The following TTBK2 variants were observed in gnomAD, a reference collection of about 807,000 sequenced individuals.
The protein encoded by TTBK2 is tau tubulin kinase 2.
TTBK2 carries 28 observed loss-of-function variants against 110.8 expected under a neutral mutation model. The ratio of observed to expected loss-of-function variants is 0.25; its 90% CI spans 0.19 to 0.35. TTBK2 has a LOEUF of 0.35. Among genes scored for constraint, TTBK2 ranks in the 10% least tolerant of loss-of-function variants. The pLI, the probability that TTBK2 is intolerant of heterozygous loss-of-function variation, is 1.00. For missense variants in TTBK2, 1,369 were observed against 1,500.3 expected, an observed-to-expected ratio of 0.91 and a Z score of 1.45; for synonymous variants, 532 against 527.3, an observed-to-expected ratio of 1.01 and a Z score of -0.12.
chr15:42,752,887 C>A lies in TTBK2; in HGVS notation c.2359G>T (p.Asp787Tyr), dbSNP rs760713520. 5 of 1,614,198 alleles carry A rather than the reference C, an allele frequency of 3.1e-6. No individual in the cohort carries two copies. In the South Asian group the frequency reaches 5.5e-5, roughly 18 times the overall value. ...TEEKSILLES[D>Y]NEDEKLSRGQ... ...CTACTTAACTTCTCATCTTCATTAT[C>A]TGACTCTAAAAGGATGCTTTTCTCT... The change falls in exon 14 of 15, where the codon GAT becomes TAT. Residue 787 changes from aspartate (D) to tyrosine (Y), a missense_variant. Asp to Tyr is a radical substitution (Grantham distance 160). Transcript: ENST00000267890.
chr15:42,869,455 T>C (rs1232047655), intron 3 of TTBK2, among the ~76,000 whole-genome samples: 1 of 142,822 alleles, frequency 7.0e-6, no homozygotes, highest in Non-Finnish European at 1.5e-5. Flanking sequence ...TAAGAGATCA[T>C]GAAAACTGAG....
intron 13 of TTBK2, among the ~76,000 whole-genome samples, chr15:42,756,128 C>T (rs1425896984): frequency 6.6e-6 from 1 of 151,898 alleles, no homozygotes; most frequent in Non-Finnish European, 1.5e-5. Flanking sequence ...ACCTGGGAGG[C>T]GGAGGATGCA....
chr15:42,810,725 A>G lies in TTBK2; in HGVS notation c.711T>C (p.Ser237=). Residue 237 remains serine, a synonymous_variant, in exon 9 of 15, where the codon TCT becomes TCC. Coordinates refer to ENST00000267890, the MANE Select transcript of TTBK2 (RefSeq NM_173500.4). Reference sequence around the variant, plus strand: ...GCCTGTGGTCATATCTCTCCTTAATAGAGCCTACTTGCTCCTGGGAAGTAA... The same window carrying G: ...GCCTGTGGTCATATCTCTCCTTAATGGAGCCTACTTGCTCCTGGGAAGTAA... ...RKIKDKEQVG[S]IKERYDHRLM... 6.2e-7 allele frequency: 1 copy of G among 1,613,890 alleles called. No homozygotes were observed. The highest frequency in any genetic ancestry group is 8.5e-7 in the Non-Finnish European group (1 of 1,179,906).
Position 42,777,141 on chromosome 15 carries a change from T to C in TTBK2, c.1299A>G (p.Pro433=). ...TTCGCACCAGTGGAATATCTCTGTC[T>C]GGCTGAGTAATCTCTGAGCGGACAC... The part of the protein sequence containing the change: ...PIRVRSEITQ[P]DRDIPLVRKL... Residue 433 remains proline (P), a synonymous_variant, in exon 12 of 15, where the codon CCA becomes CCG. Transcript: ENST00000267890. 6.2e-7 allele frequency: 1 copy of C among 1,614,228 alleles called. No homozygotes were observed. The highest frequency in any genetic ancestry group is 8.5e-7 in the Non-Finnish European group (1 of 1,180,046).
At position 42,775,657 on chromosome 15, in the gene TTBK2, C is replaced by T. The variant is rs1889885517; in HGVS notation, c.1476G>A (p.Lys492=). 6.2e-7 allele frequency: 1 copy of T among 1,613,288 alleles called. No homozygotes were observed. The highest frequency in any genetic ancestry group is 8.5e-7 in the Non-Finnish European group (1 of 1,179,570). Residue 492 remains lysine (K), a synonymous_variant, in exon 13 of 15, where the codon AAG becomes AAA. Transcript: ENST00000267890. ...KESILPALLH[K]PCVPAVSRTD... ...TACGGGACACAGCAGGAACGCAAGGCTTATGCAGCAGAGCAGGGAGAATAG... is the reference window on the plus strand; with the variant it reads ...TACGGGACACAGCAGGAACGCAAGGTTTATGCAGCAGAGCAGGGAGAATAG...
In TTBK2 at chr15:42,828,024, G is replaced by A. The variant is rs754428166; in HGVS notation, c.441C>T (p.Phe147=). ...FLHRDIKPSN[F]AMGRFPSTCR... is the part of the protein sequence containing the mutation. ...ATGTACTAGGAAAGCGACCCATAGC[G>A]AAGTTCGACTAGAAAAATAAAGAAG... is the stretch of plus-strand genomic sequence containing the variant. Residue 147 remains phenylalanine, a synonymous_variant, in exon 6 of 15, where the codon TTC becomes TTT. Coordinates refer to ENST00000267890, the MANE Select transcript of TTBK2 (RefSeq NM_173500.4). 4.7e-5 allele frequency: 76 copies of A among 1,612,844 alleles called. No homozygotes were observed. The highest frequency in any genetic ancestry group is 6.1e-5 in the Non-Finnish European group (72 of 1,179,396).
intron 13 of TTBK2, among the ~76,000 whole-genome samples, chr15:42,768,928 A>G (rs1946064730): frequency 6.6e-6 from 1 of 152,218 alleles, no homozygotes. Flanking sequence ...GACCAATGGA[A>G]CAGAGCAGAG....
chr15:42,751,245 AAC>A (rs1489425678), intron 14 of TTBK2, among the ~76,000 whole-genome samples: 2 of 152,236 alleles, frequency 1.3e-5, no homozygotes, highest in Admixed American at 1.3e-4. Flanking sequence ...TATGTGTTTG[AAC>A]ACACAATGTA....
Position 42,859,241 on chromosome 15 carries a change from G to T in TTBK2, c.217+13370C>A, listed in dbSNP as rs561346605. On this transcript the variant is annotated intron_variant, in intron 3 of 14. Transcript: ENST00000267890. The stretch of plus-strand genomic sequence containing the variant: ...CACCTCTCAGCCTCCTGAGTAGCTG[G>T]GACTACAGGTGCACACCACCATGTC... Among the ~76,000 whole-genome samples, 6 of 152,126 alleles carry T rather than the reference G, an allele frequency of 3.9e-5. No homozygotes were observed. In the East Asian group the frequency reaches 1.2e-3, roughly 29 times the overall value.
intron 13 of TTBK2, among the ~76,000 whole-genome samples, chr15:42,769,345 A>G (rs778206908): frequency 1.3e-5 from 2 of 152,230 alleles, no homozygotes; most frequent in African/African-American, 2.4e-5. Context: ...ATGGGAGAAC[A>G]TTTTTGCAAT....
At chr15:42,830,227 GC>G in intron 4 of TTBK2, 149 bp from the exon 5 acceptor site, 2 of 934,202 alleles carry the variant, frequency 2.1e-6, no homozygotes, top group Non-Finnish European at 3.2e-6. Flanking sequence ...CACTCTTGTT[GC>G]CCAGGCTGGA....
intron 6 of TTBK2, among the ~76,000 whole-genome samples, chr15:42,823,809 TC>T (rs1369136119): frequency 6.6e-6 from 1 of 151,976 alleles, no homozygotes; most frequent in Non-Finnish European, 1.5e-5. Flanking sequence ...TTCTTCTTCT[TC>T]CAATGTGGCC....
chr15:42,780,315 G>T (rs1177175880), intron 11 of TTBK2, among the ~76,000 whole-genome samples: 3 of 148,918 alleles, frequency 2.0e-5, no homozygotes, highest in Non-Finnish European at 4.5e-5. Context: ...TTATGGGTGT[G>T]AGCCACTGTG....
chr15:42,909,326 G>T (rs2030610971), intron 1 of TTBK2, among the ~76,000 whole-genome samples: 1 of 152,100 alleles, frequency 6.6e-6, no homozygotes, highest in African/African-American at 2.4e-5. Flanking sequence ...TTGGTTTATG[G>T]CCTCATCCCC....
rs55859623 is a variant in TTBK2 at position 42,893,667 on chromosome 15, G to GA, written c.-67-14984dup. Reference sequence around the variant, plus strand: ...TGAAATTAAAACCAGAAACGTCATAGAAAAAAAAAAATCAATGAGACCAAA... The same window carrying GA: ...TGAAATTAAAACCAGAAACGTCATAGAAAAAAAAAAAATCAATGAGACCAAA... On this transcript the variant is annotated intron_variant, in intron 1 of 14. Transcript: ENST00000267890. 7.7e-3 allele frequency among the ~76,000 whole-genome samples: 1,114 copies of GA among 144,998 alleles called. 5 individuals are homozygous for GA. The highest frequency in any genetic ancestry group is 0.011 in the Non-Finnish European group (736 of 65,188).
intron 6 of TTBK2, among the ~76,000 whole-genome samples, chr15:42,822,991 G>A (rs1435641660): frequency 6.6e-6 from 1 of 152,184 alleles, no homozygotes; most frequent in South Asian, 2.1e-4. Flanking sequence ...AAAGGGAAAG[G>A]ATCAGGGGAA....
intron 1 of TTBK2, chr15:42,908,315 T>C (rs192039255): frequency 2.2e-4 from 34 of 152,146 alleles, no homozygotes; most frequent in Admixed American, 2.2e-3. Flanking sequence ...CGTAAAAATT[T>C]TAAAAATTAG....
chr15:42,842,999 G>A (rs544586494), intron 3 of TTBK2, among the ~76,000 whole-genome samples: 1 of 152,216 alleles, frequency 6.6e-6, no homozygotes, highest in African/African-American at 2.4e-5. Context: ...CAGCTTCAAA[G>A]AAACAATAAA....
chr15:42,854,326 T>A (rs1444596369), intron 3 of TTBK2, among the ~76,000 whole-genome samples: 4 of 152,208 alleles, frequency 2.6e-5, no homozygotes, highest in Non-Finnish European at 5.9e-5. Context: ...ATGTATAAAC[T>A]TTTAAAGATC....
Sources: allele counts gnomAD v4.1 joint callset (sites outside exome capture counted in the v4.1 genomes callset), GRCh38; gene constraint gnomAD v4.1.1; transcripts MANE v1.5; gene names NCBI Gene and HGNC (gene_info 2026-07-23, HGNC 2026-07-21).